Variants in RANBP2 observed in about 807,000 individuals in gnomAD.
RANBP2 encodes the protein E3 SUMO-protein ligase RanBP2.
RANBP2 carries 57 observed loss-of-function variants against 303.6 expected under a neutral mutation model. The ratio of observed to expected loss-of-function variants is 0.19; its 90% CI spans 0.15 to 0.23. The LOEUF (loss-of-function observed/expected upper bound fraction) is 0.23, where lower values mean the gene tolerates loss of function less well. Among genes scored for constraint, RANBP2 ranks in the 10% least tolerant of loss-of-function variants. The pLI, the probability that RANBP2 is intolerant of heterozygous loss-of-function variation, is 1.00. For missense variants in RANBP2, 3,138 were observed against 3,780.8 expected (o/e 0.83, Z 4.46); for synonymous variants, 1,167 against 1,301.5 (o/e 0.90, Z 2.23).
chr2:109,522,843 C>A, the RANBP2 span, among the ~76,000 whole-genome samples: 1 of 152,212 alleles, frequency 6.6e-6, no homozygotes, highest in Non-Finnish European at 1.5e-5. Context: ...AGGGTGGAAG[C>A]ACGTGGCAGC....
the RANBP2 span, among the ~76,000 whole-genome samples, chr2:109,408,371 C>T: frequency 1.1e-4 from 16 of 152,310 alleles, no homozygotes; most frequent in African/African-American, 3.8e-4. Context: ...AGCTAAGAAC[C>T]TTCTCCACCC....
At chr2:109,639,829 G>A in the RANBP2 span, among the ~76,000 whole-genome samples, 1 of 151,084 alleles carries the variant, frequency 6.6e-6, no homozygotes, top group Non-Finnish European at 1.5e-5. Flanking sequence ...TCCTGCCTCA[G>A]CATCCTGAGT....
the RANBP2 span, among the ~76,000 whole-genome samples, chr2:109,202,709 C>T: frequency 2.6e-5 from 4 of 152,190 alleles, no homozygotes; most frequent in Non-Finnish European, 4.4e-5. Context: ...CCTCAGTTTC[C>T]CCATCTGGAA....
At chr2:108,876,027 G>A in the RANBP2 span, 4 of 1,054,548 alleles carry the variant, frequency 3.8e-6, no homozygotes, top group Middle Eastern at 2.9e-4. Context: ...ATCTGTCAGT[G>A]TCATTGCAGA....
At chr2:108,760,870 T>C (rs535696701) in intron 18 of RANBP2, among the ~76,000 whole-genome samples, 1 of 152,280 alleles carries the variant, frequency 6.6e-6, no homozygotes, top group East Asian at 1.9e-4. Flanking sequence ...CAGGTAATTT[T>C]TTTGACCTGA....
At chr2:108,827,631 A>C in the RANBP2 span, among the ~76,000 whole-genome samples, 1 of 152,086 alleles carries the variant, frequency 6.6e-6, no homozygotes, top group Non-Finnish European at 1.5e-5. Flanking sequence ...CCTGGCTAAC[A>C]CAGTGAAACC....
chr2:109,319,252 T>C, the RANBP2 span, among the ~76,000 whole-genome samples: 1 of 152,216 alleles, frequency 6.6e-6, no homozygotes, highest in East Asian at 1.9e-4. Flanking sequence ...CTTGCTGCAT[T>C]TTTTGGAGTT....
chr2:108,938,907 G>A, the RANBP2 span, among the ~76,000 whole-genome samples: 2 of 148,800 alleles, frequency 1.3e-5, no homozygotes, highest in Admixed American at 1.4e-4. Context: ...AGCCTCTCGA[G>A]TAGCTGCGAC....
chr2:109,466,953 CTG>C, the RANBP2 span, among the ~76,000 whole-genome samples: 1 of 151,848 alleles, frequency 6.6e-6, no homozygotes, highest in South Asian at 2.1e-4. Flanking sequence ...GTCTATATAT[CTG>C]TGTGCATGTG....
the RANBP2 span, among the ~76,000 whole-genome samples, chr2:109,232,129 C>T: frequency 1.3e-5 from 2 of 152,324 alleles, no homozygotes; most frequent in East Asian, 1.9e-4. Context: ...TCTTAAGTTA[C>T]GTTTCTCTTG....
At chr2:108,783,571 T>C in intron 28 of RANBP2, 25 bp from the exon 29 acceptor site, 1 of 1,572,044 alleles carries the variant, frequency 6.4e-7, no homozygotes, top group Non-Finnish European at 8.7e-7. Flanking sequence ...ATTTTTAACT[T>C]TTTTATTATA....
At chr2:109,235,436 A>T in the RANBP2 span, among the ~76,000 whole-genome samples, 2 of 152,144 alleles carry the variant, frequency 1.3e-5, no homozygotes, top group Non-Finnish European at 2.9e-5. Context: ...GTACCATACA[A>T]ATCAGGTTAC....
chr2:109,286,602 T>G, the RANBP2 span, among the ~76,000 whole-genome samples: 1 of 152,188 alleles, frequency 6.6e-6, no homozygotes, highest in African/African-American at 2.4e-5. Context: ...GATTGGCACA[T>G]GGTGAGGGGA....
the RANBP2 span, among the ~76,000 whole-genome samples, chr2:109,521,747 G>A: frequency 4.0e-3 from 607 of 152,324 alleles, 6 homozygotes; most frequent in African/African-American, 0.014. Context: ...AAAGCAGGGT[G>A]GAGTCCCCTG....
the RANBP2 span, among the ~76,000 whole-genome samples, chr2:109,293,781 G>A: frequency 2.0e-5 from 3 of 152,244 alleles, no homozygotes; most frequent in Non-Finnish European, 2.9e-5. Context: ...TCTCCCAGCT[G>A]TAGGTGAACG....
At chr2:108,809,611 C>G in the RANBP2 span, among the ~76,000 whole-genome samples, 2 of 151,936 alleles carry the variant, frequency 1.3e-5, no homozygotes, top group Admixed American at 6.6e-5. Context: ...GGATAGATTT[C>G]TTTCTTTCTT....
the RANBP2 span, among the ~76,000 whole-genome samples, chr2:109,608,251 A>G: frequency 6.6e-6 from 1 of 152,254 alleles, no homozygotes; most frequent in African/African-American, 2.4e-5. Flanking sequence ...CTATTTGTCC[A>G]TGAGAGACTG....
chr2:109,098,720 C>T, the RANBP2 span, among the ~76,000 whole-genome samples: 3 of 152,188 alleles, frequency 2.0e-5, no homozygotes, highest in Non-Finnish European at 4.4e-5. Flanking sequence ...TAATTTTGTC[C>T]TTTGCCCACT....
chr2:109,642,584 C>CT, the RANBP2 span, among the ~76,000 whole-genome samples: 1 of 149,880 alleles, frequency 6.7e-6, no homozygotes, highest in African/African-American at 2.5e-5. Context: ...CCCGTCTCTA[C>CT]TAAAAATACA....
Sources: allele counts gnomAD v4.1 joint callset (sites outside exome capture counted in the v4.1 genomes callset), GRCh38; gene constraint gnomAD v4.1.1; transcripts MANE v1.5; gene names NCBI Gene and HGNC (gene_info 2026-07-23, HGNC 2026-07-21).